The following ZFYVE28 variants were observed in gnomAD, a reference collection of about 807,000 sequenced individuals.
The protein encoded by ZFYVE28 is zinc finger FYVE-type containing 28.
Under a neutral mutation model 82.1 loss-of-function variants are expected in ZFYVE28, and 40 were observed. The ratio of observed to expected loss-of-function variants is 0.49; its 90% CI spans 0.38 to 0.63. The LOEUF (loss-of-function observed/expected upper bound fraction) is 0.63, where lower values mean the gene tolerates loss of function less well. Among genes scored for constraint, ZFYVE28 ranks in the 30% least tolerant of loss-of-function variants. The probability of loss-of-function intolerance (pLI) is 0.00; values close to 1 mark genes in which losing one functional copy is unlikely to be tolerated. For missense variants in ZFYVE28, 1,321 were observed against 1,242.1 expected (o/e 1.06, Z -0.96); for synonymous variants, 612 against 546.1 (o/e 1.12, Z -1.68).
intron 2 of ZFYVE28, among the ~76,000 whole-genome samples, chr4:2,349,828 C>G (rs1462115739): frequency 6.6e-6 from 1 of 152,112 alleles, no homozygotes; most frequent in Non-Finnish European, 1.5e-5. Flanking sequence ...AACATCTATT[C>G]CTAATAAGAA....
chr4:2,281,671 G>A (rs918357232), intron 8 of ZFYVE28, among the ~76,000 whole-genome samples: 16 of 152,190 alleles, frequency 1.1e-4, no homozygotes, highest in African/African-American at 2.9e-4. Context: ...TTGCAGTGGG[G>A]ATTAAGTTAC....
chr4:2,354,648 G>A (rs534397551), intron 1 of ZFYVE28, among the ~76,000 whole-genome samples: 13 of 151,936 alleles, frequency 8.6e-5, no homozygotes, highest in Admixed American at 2.6e-4. Context: ...TAGTAGAGAC[G>A]GGGTTTCGCC....
In ZFYVE28 at chr4:2,354,059, C is replaced by G. The variant is rs1724880428; in HGVS notation, c.54G>C (p.Gln18His). ...WLYKPKRSDPQLLARFYYADE... is the reference protein window; with the variant it reads ...WLYKPKRSDPHLLARFYYADE... ...CGGCATAGTAGAACCGGGCAAGCAGCTGCGGATCCGACCTCTGCAGGAGAG... is the reference window on the plus strand; with the variant it reads ...CGGCATAGTAGAACCGGGCAAGCAGGTGCGGATCCGACCTCTGCAGGAGAG... Residue 18 changes from glutamine to histidine, a missense_variant, in exon 2 of 13, where the codon CAG (glutamine) becomes CAC (histidine). By Grantham distance (24) the Gln-to-His change is conservative. Transcript: ENST00000290974. 1.3e-6 allele frequency: 2 copies of G among 1,568,980 alleles called. No homozygotes were observed. The highest frequency in any genetic ancestry group is 1.8e-5 in the Admixed American group (1 of 54,832).
chr4:2,299,037 A>C (rs1164627732), intron 8 of ZFYVE28, among the ~76,000 whole-genome samples: 1 of 152,232 alleles, frequency 6.6e-6, no homozygotes, highest in Non-Finnish European at 1.5e-5. Context: ...AATTTCTATA[A>C]ACTTAATTAC....
chr4:2,404,734 A>G (rs2187690), intron 1 of ZFYVE28, among the ~76,000 whole-genome samples: 46,809 of 152,084 alleles, frequency 0.31, 7,948 homozygotes, highest in East Asian at 0.45. Flanking sequence ...GGGATGATGG[A>G]AAAGCTTTGA....
chr4:2,373,073 C>T (rs879322282), intron 1 of ZFYVE28, among the ~76,000 whole-genome samples: 14 of 152,352 alleles, frequency 9.2e-5, no homozygotes, highest in Admixed American at 2.0e-4. Context: ...CAGTGGCAGA[C>T]AGACAGCATT....
At chr4:2,282,926 T>C (rs768066662) in intron 8 of ZFYVE28, among the ~76,000 whole-genome samples, 10 of 151,868 alleles carry the variant, frequency 6.6e-5, no homozygotes, top group Non-Finnish European at 1.5e-4. Context: ...GAAAAATAAA[T>C]AAAAAACAAA....
intron 8 of ZFYVE28, among the ~76,000 whole-genome samples, chr4:2,289,371 G>A (rs1239002823): frequency 6.6e-6 from 1 of 152,250 alleles, no homozygotes; most frequent in Non-Finnish European, 1.5e-5. Flanking sequence ...CAGGGGTGGA[G>A]TAAGTGGGCA....
chr4:2,390,936 C>G (rs1729752884), intron 1 of ZFYVE28, among the ~76,000 whole-genome samples: 2 of 152,208 alleles, frequency 1.3e-5, no homozygotes, highest in African/African-American at 4.8e-5. Context: ...TGGATTCTTT[C>G]CCACTACTCA....
rs1262763864 is a variant in ZFYVE28, at chr4:2,360,415, A to AGATGT, written c.40-6343_40-6342insACATC. 9.3e-4 allele frequency among the ~76,000 whole-genome samples: 141 copies of AGATGT among 151,872 alleles called. 2 individuals are homozygous for AGATGT. Among genetic ancestry groups the AGATGT allele is most frequent in the Middle Eastern group, 3.4e-3 (1 of 294 alleles). The stretch of plus-strand genomic sequence containing the variant: ...CACACACACACACACACACACACAC[A>AGATGT]CACACACACACAGGCACGCACGCAC... On this transcript the variant is annotated intron_variant, in intron 1 of 12. Transcript: ENST00000290974.
chr4:2,305,300 C>T lies in ZFYVE28; in HGVS notation c.1040G>A (p.Arg347His), dbSNP rs372107124. ...CTCGTCCCCCGCCCTGTGGACCATG[C>T]GGCTGAGCTGCTCCAGCTCCTGGTC... ...YDDQELEQLS[R>H]MVHRAGDEMS... is the part of the protein sequence containing the mutation. Residue 347 changes from arginine (R) to histidine (H), a missense_variant, in exon 8 of 13, where the codon CGC becomes CAC. Transcript: ENST00000290974. The T allele has an allele frequency of 3.2e-5, 51 of 1,612,996 alleles. No homozygotes were observed. The South Asian group carries it at 4.1e-4, about 13-fold the overall frequency.
Position 2,408,888 on chromosome 4 carries a change from G to A in ZFYVE28, c.39+9397C>T, listed in dbSNP as rs930963648. Among the ~76,000 whole-genome samples the A allele has an allele frequency of 2.0e-5, 3 of 152,196 alleles. No individual in the cohort carries two copies. Among genetic ancestry groups the A allele is most frequent in the East Asian group, 1.9e-4 (1 of 5,206 alleles). Reference sequence around the variant, plus strand: ...TGATGGTTTGAAGCTCTCAGTTCCCGGCGGTTTCTAAGTGGACCTTCCCAT... The same window carrying A: ...TGATGGTTTGAAGCTCTCAGTTCCCAGCGGTTTCTAAGTGGACCTTCCCAT... On this transcript the variant is annotated intron_variant, in intron 1 of 12. Transcript: ENST00000290974. This position sits in a 1 kb window ranked among gnomAD's most constrained non-coding sequence, Gnocchi z 4.3.
chr4:2,312,884 A>C (rs1717685740), intron 7 of ZFYVE28, among the ~76,000 whole-genome samples: 1 of 152,076 alleles, frequency 6.6e-6, no homozygotes, highest in Non-Finnish European at 1.5e-5. Flanking sequence ...GTTTCTACTA[A>C]AGATACAAAA....
rs1716230017 is a variant in ZFYVE28 at position 2,304,606 on chromosome 4, C to T, written c.1734G>A (p.Val578=). ...GSCGDSREDV[V]ERLREKCSPG... ...GGCTGCACTTCTCCCGCAGACGCTC[C>T]ACCACGTCCTCCCTGCTGTCCCCGC... Residue 578 remains valine (V), a synonymous_variant, in exon 8 of 13, where the codon GTG becomes GTA. Transcript: ENST00000290974. The T allele has an allele frequency of 6.2e-7, 1 of 1,612,358 alleles. No homozygotes were observed. The highest frequency in any genetic ancestry group is 8.5e-7 in the Non-Finnish European group (1 of 1,179,766).
At chr4:2,317,966 C>G (rs1282618151) in intron 7 of ZFYVE28, among the ~76,000 whole-genome samples, 1 of 152,230 alleles carries the variant, frequency 6.6e-6, no homozygotes, top group African/African-American at 2.4e-5. Flanking sequence ...CACCTGGAAA[C>G]TGCAGGAAGC....
intron 1 of ZFYVE28, among the ~76,000 whole-genome samples, chr4:2,360,819 C>T (rs555955370): frequency 6.6e-6 from 1 of 152,196 alleles, no homozygotes; most frequent in Non-Finnish European, 1.5e-5. Flanking sequence ...CACGACGGGG[C>T]TCACCCTCAA....
chr4:2,369,450 T>G (rs866164256), intron 1 of ZFYVE28, among the ~76,000 whole-genome samples: 48 of 152,100 alleles, frequency 3.2e-4, no homozygotes, highest in Non-Finnish European at 5.4e-4. Flanking sequence ...TCAGACATGG[T>G]TCCTACCCAC....
At chr4:2,352,369 C>T (rs1724608993) in intron 2 of ZFYVE28, among the ~76,000 whole-genome samples, 1 of 151,642 alleles carries the variant, frequency 6.6e-6, no homozygotes, top group Non-Finnish European at 1.5e-5. Context: ...GGCGTGGGAC[C>T]CACATGGAGG....
At chr4:2,364,938 G>A (rs1157273348) in intron 1 of ZFYVE28, 1 of 981,388 alleles carries the variant, frequency 1.0e-6, no homozygotes, top group Non-Finnish European at 1.2e-6. Flanking sequence ...GGGCCCAGCA[G>A]GGGCGGCGCA....
Sources: allele counts gnomAD v4.1 joint callset (sites outside exome capture counted in the v4.1 genomes callset), GRCh38; gene constraint gnomAD v4.1.1; non-coding constraint Gnocchi (gnomAD v3.1); transcripts MANE v1.5; gene names NCBI Gene and HGNC (gene_info 2026-07-23, HGNC 2026-07-21).